The following METTL21A variants were observed in gnomAD, a reference collection of about 807,000 sequenced individuals.
METTL21A encodes the protein protein N-lysine methyltransferase METTL21A.
A neutral mutation model predicts 20.9 loss-of-function variants in METTL21A; 22 were observed. That is an observed-to-expected ratio of 1.05 (90% CI 0.75 to 1.50). The LOEUF (loss-of-function observed/expected upper bound fraction) is 1.50, where lower values mean the gene tolerates loss of function less well. Ranked by LOEUF, METTL21A falls within the 40% of genes most tolerant of loss-of-function variation. The pLI is 0.00. For synonymous variants in METTL21A, 93 were observed against 102.0 expected, an observed-to-expected ratio of 0.91 and a Z score of 0.53; for missense variants, 271 against 266.8, an observed-to-expected ratio of 1.02 and a Z score of -0.11.
chr2:207,613,450 T>G lies in METTL21A; in HGVS notation c.260-7A>C, dbSNP rs373059918. 6.4e-7 allele frequency: 1 copy of G among 1,562,632 alleles called. No individual in the cohort carries two copies. The highest frequency in any genetic ancestry group is 8.6e-7 in the Non-Finnish European group (1 of 1,161,190). On this transcript the variant is annotated splice_polypyrimidine_tract_variant and splice_region_variant and intron_variant, in intron 3 of 3. Transcript: ENST00000406927. Reference sequence around the variant, plus strand: ...GTGATAGTCACATGAGCACCTACAATGTGGAACAAAGAAAAAGTGATGTGT... The same window carrying G: ...GTGATAGTCACATGAGCACCTACAAGGTGGAACAAAGAAAAAGTGATGTGT...
At chr2:207,615,175 A>G (rs918571688) in intron 3 of METTL21A, among the ~76,000 whole-genome samples, 2 of 152,200 alleles carry the variant, frequency 1.3e-5, no homozygotes, top group Non-Finnish European at 2.9e-5. Context: ...CTTTTCTGAA[A>G]ATAAAAATTG....
chr2:207,603,755 C>T (rs2087547399), intron 3 of METTL21A, among the ~76,000 whole-genome samples: 1 of 152,078 alleles, frequency 6.6e-6, no homozygotes, highest in African/African-American at 2.4e-5. Flanking sequence ...AGACTATATA[C>T]CTTCTCAGGT....
intron 3 of METTL21A, among the ~76,000 whole-genome samples, chr2:207,616,007 C>T (rs1199810775): frequency 6.6e-6 from 1 of 151,978 alleles, no homozygotes; most frequent in Non-Finnish European, 1.5e-5. Flanking sequence ...TCTTGGCCTC[C>T]CAAAGTGCTG....
intron 3 of METTL21A, 83 bp from the exon 4 acceptor site, chr2:207,613,526 T>G: frequency 7.6e-7 from 1 of 1,308,854 alleles, no homozygotes; most frequent in East Asian, 2.3e-5. Flanking sequence ...AAATGTAGAG[T>G]GTCTCTTAAA....
At chr2:207,590,761 C>T (rs2084885240) in intron 3 of METTL21A, among the ~76,000 whole-genome samples, 1 of 152,074 alleles carries the variant, frequency 6.6e-6, no homozygotes, top group Admixed American at 6.5e-5. Flanking sequence ...GACTGTGTTC[C>T]AGTAAAACTT....
At chr2:207,609,077 T>A (rs1330735804), downstream of METTL21A, 1 of 152,256 alleles carries the variant, frequency 6.6e-6, no homozygotes, top group Non-Finnish European at 1.5e-5. Flanking sequence ...TCATGTGTAT[T>A]AGAATTGTGT....
chr2:207,602,588 GA>G (rs1420590252), intron 3 of METTL21A: 2 of 211,984 alleles, frequency 9.4e-6, no homozygotes, highest in African/African-American at 4.5e-5. Context: ...TAGGGAGGAA[GA>G]AAATCTCTGC....
chr2:207,591,203 A>C (rs2084967910), intron 3 of METTL21A, among the ~76,000 whole-genome samples: 1 of 152,050 alleles, frequency 6.6e-6, no homozygotes, highest in South Asian at 2.1e-4. Flanking sequence ...GTCTATCATC[A>C]CTGACAGGAG....
At chr2:207,590,640 A>C (rs961362614) in intron 3 of METTL21A, among the ~76,000 whole-genome samples, 27 of 152,098 alleles carry the variant, frequency 1.8e-4, no homozygotes, top group African/African-American at 6.5e-4. Context: ...CAGTTTGGCA[A>C]ATCTTTTGTA....
chr2:207,606,644 T>C (rs1487316533), downstream of METTL21A, among the ~76,000 whole-genome samples: 1 of 152,194 alleles, frequency 6.6e-6, no homozygotes, highest in Non-Finnish European at 1.5e-5. Flanking sequence ...AGAAAGCTAC[T>C]TCTCTCTAGG....
Position 207,625,263 on chromosome 2 carries a change from A to T in METTL21A, c.-30+2T>A, listed in dbSNP as rs2090995094. On this transcript the variant is annotated splice_donor_variant, in intron 1 of 3. Coordinates refer to ENST00000406927, the Ensembl canonical transcript of METTL21A. LOFTEE classifies it low-confidence loss of function (5UTR_SPLICE). ...CTGAGGCGCCGCCACGCCGGTACTT[A>T]CGGCCCGGGAGGCGGTCCCGCGTGG... 2 of 152,040 alleles carry T rather than the reference A, an allele frequency of 1.3e-5. No individual in the cohort carries two copies. The highest frequency in any genetic ancestry group is 4.1e-4 in the South Asian group (2 of 4,822). The allele number at this position is 152,040 out of a possible 1,614,324, so 9.4% of individuals were successfully genotyped here.
chr2:207,596,320 T>C (rs2086151338), intron 3 of METTL21A, among the ~76,000 whole-genome samples: 1 of 152,232 alleles, frequency 6.6e-6, no homozygotes, highest in South Asian at 2.1e-4. Context: ...GTTTTCTTAG[T>C]TATTGATATG....
intron 3 of METTL21A, among the ~76,000 whole-genome samples, chr2:207,585,233 A>G (rs1027867046): frequency 6.6e-6 from 1 of 152,208 alleles, no homozygotes; most frequent in Non-Finnish European, 1.5e-5. Context: ...TGATGTCCCC[A>G]TCCTCAGCAA....
chr2:207,595,583 GAC>G (rs1271102353), intron 3 of METTL21A, among the ~76,000 whole-genome samples: 2 of 151,852 alleles, frequency 1.3e-5, no homozygotes, highest in African/African-American at 2.4e-5. Context: ...TTTTAATTGA[GAC>G]AGGTTCTTGG....
chr2:207,624,173 T>A (rs1162574918), intron 2 of METTL21A, 56 bp downstream of exon 2: 3 of 1,511,042 alleles, frequency 2.0e-6, no homozygotes, highest in East Asian at 2.3e-5. Context: ...AAATAAAAAA[T>A]AAAAGCCAGT....
At chr2:207,618,035 A>G (rs2090003238) in intron 3 of METTL21A, among the ~76,000 whole-genome samples, 1 of 152,242 alleles carries the variant, frequency 6.6e-6, no homozygotes, top group Non-Finnish European at 1.5e-5. Flanking sequence ...ATAGATATCC[A>G]GCTTTCAGTT....
intron 3 of METTL21A, chr2:207,620,713 G>A (rs530784474): frequency 1.6e-5 from 25 of 1,530,460 alleles, no homozygotes; most frequent in East Asian, 4.9e-5. Flanking sequence ...GAAGACGGAC[G>A]GAAACCTCTG....
intron 2 of METTL21A, among the ~76,000 whole-genome samples, chr2:207,623,995 G>GAT (rs1422907104): frequency 6.6e-6 from 1 of 152,156 alleles, no homozygotes; most frequent in South Asian, 2.1e-4. Flanking sequence ...GTGACTAAGG[G>GAT]ATACGGGTTT....
intron 3 of METTL21A, chr2:207,596,765 G>A: frequency 1.1e-6 from 1 of 951,552 alleles, no homozygotes; most frequent in Non-Finnish European, 1.5e-6. Flanking sequence ...TAATTTCCAA[G>A]TAATTCTGTA....
Sources: gnomAD v4.1 joint callset for allele counts (sites outside exome capture counted in the v4.1 genomes callset) on GRCh38, gnomAD v4.1.1 for gene constraint, MANE v1.5 for transcripts, NCBI Gene and HGNC (gene_info 2026-07-23, HGNC 2026-07-21) for gene names.